Variants in WDR43 observed in about 807,000 individuals in gnomAD.
The protein encoded by WDR43 is WD repeat-containing protein 43.
Under a neutral mutation model 91.4 loss-of-function variants are expected in WDR43, and 13 were observed. The ratio of observed to expected loss-of-function variants is 0.14; its 90% CI spans 0.09 to 0.23. WDR43 has a LOEUF of 0.23. WDR43 is among the 10% of genes least tolerant of loss of function. The pLI is 1.00. For synonymous variants in WDR43, 331 were observed against 287.9 expected, an observed-to-expected ratio of 1.15 and a Z score of -1.51; for missense variants, 780 against 809.4, an observed-to-expected ratio of 0.96 and a Z score of 0.44.
chr2:28,929,442 G>T (rs1671200182), intron 10 of WDR43, 137 bp from the exon 11 acceptor site: 1 of 751,118 alleles, frequency 1.3e-6, no homozygotes, highest in East Asian at 3.4e-5. Flanking sequence ...GGTTCTCTTG[G>T]AATAAGAATG....
chr2:28,917,386 TATA>T (rs1670932010), intron 5 of WDR43, among the ~76,000 whole-genome samples: 1 of 152,212 alleles, frequency 6.6e-6, no homozygotes, highest in Admixed American at 6.5e-5. Context: ...TCAATACCGT[TATA>T]ATGTTAATTC....
intron 5 of WDR43, among the ~76,000 whole-genome samples, chr2:28,915,768 A>G (rs1670894751): frequency 6.6e-6 from 1 of 150,652 alleles, no homozygotes; most frequent in Non-Finnish European, 1.5e-5. Context: ...AGATAAATCA[A>G]ACCCCAGTAC....
In WDR43 at chr2:28,911,904, A is replaced by G. The variant is rs377401375; in HGVS notation, c.486-686A>G. On this transcript the variant is annotated intron_variant, in intron 3 of 17. Transcript: ENST00000407426. ...CTCCCAAAGTGCTGGGATTAGAGGC[A>G]TGAGCCACCATGCCCTGCCCCTGCT... Among the ~76,000 whole-genome samples the G allele has an allele frequency of 1.6e-4, 24 of 152,288 alleles. 1 individual carries two copies. In the East Asian group the frequency reaches 2.3e-3, roughly 15 times the overall value.
intron 3 of WDR43, among the ~76,000 whole-genome samples, chr2:28,909,645 GA>G (rs1397303322): frequency 1.3e-5 from 2 of 152,148 alleles, no homozygotes; most frequent in Admixed American, 1.3e-4. Context: ...GGCTGAGGTG[GA>G]AGGATTGCTT....
intron 1 of WDR43, among the ~76,000 whole-genome samples, chr2:28,897,149 C>A (rs1670496263): frequency 1.3e-5 from 2 of 152,152 alleles, no homozygotes; most frequent in Non-Finnish European, 2.9e-5. Flanking sequence ...TAGAGACATT[C>A]CCTACTTTGA....
chr2:28,899,994 A>G (rs551096274), intron 1 of WDR43, among the ~76,000 whole-genome samples: 2 of 152,306 alleles, frequency 1.3e-5, no homozygotes, highest in South Asian at 4.1e-4. Context: ...TGCAGAAATT[A>G]AGGCTTTGAC....
intron 1 of WDR43, among the ~76,000 whole-genome samples, chr2:28,900,534 G>A (rs1191927966): frequency 1.3e-5 from 2 of 152,092 alleles, no homozygotes; most frequent in African/African-American, 2.4e-5. Flanking sequence ...ATGGTACTAG[G>A]TTAATGTACT....
At position 28,937,962 on chromosome 2, in the gene WDR43, G is replaced by C. The variant is rs1231573583; in HGVS notation, c.1588G>C (p.Val530Leu). 6.2e-7 allele frequency: 1 copy of C among 1,613,778 alleles called. No individual in the cohort carries two copies. The highest frequency in any genetic ancestry group is 1.1e-5 in the South Asian group (1 of 91,054). The change falls in exon 14 of 18, where the codon GTG becomes CTG. Residue 530 changes from valine to leucine, a missense_variant. Physicochemically the swap from Val to Leu is conservative, Grantham distance 32. Around this residue, in one of 4 missense-constraint regions of WDR43, gnomAD observed 426 missense variants for 467.8 expected, o/e 0.91. Coordinates refer to ENST00000407426, the MANE Select transcript of WDR43 (RefSeq NM_015131.3). ...AVLMVQWLKC[V>L]LTVHASYLST... ...GCTAATGGTTCAGTGGCTAAAATGTGTGTTAACAGTTCATGCATCATACCT... is the reference window on the plus strand; with the variant it reads ...GCTAATGGTTCAGTGGCTAAAATGTCTGTTAACAGTTCATGCATCATACCT...
intron 16 of WDR43, among the ~76,000 whole-genome samples, chr2:28,945,982 A>G (rs3885709): frequency 0.26 from 39,212 of 152,084 alleles, 6,276 homozygotes; most frequent in East Asian, 0.77. Flanking sequence ...GGGTTTGGCT[A>G]GTTGGTTTGG....
Position 28,914,159 on chromosome 2 carries a change from G to A in WDR43, c.697G>A (p.Gly233Ser). ...NESQPFDGIT[G>S]LYFLSGAVHD... ...GAGCCAGCCCTTTGATGGAATTACA[G>A]GTCTTTATTTCTTATCTGGAGCAGT... Residue 233 changes from glycine to serine, a missense_variant, in exon 5 of 18, where the codon GGT becomes AGT. This residue lies in a region of WDR43 where 174 missense variants were observed against 207.3 expected (regional missense o/e 0.84). Transcript: ENST00000407426. 1.9e-6 allele frequency: 3 copies of A among 1,613,898 alleles called. No homozygotes were observed. Among genetic ancestry groups the A allele is most frequent in the Non-Finnish European group, 2.5e-6 (3 of 1,179,866 alleles).
chr2:28,919,891 AGTGCAGTG>A (rs1431931169), intron 6 of WDR43, among the ~76,000 whole-genome samples: 1 of 151,762 alleles, frequency 6.6e-6, no homozygotes. Context: ...CCCAGGCTGG[AGTGCAGTG>A]GTGCAGTCTT....
rs963167772 is a variant in WDR43, at chr2:28,901,879, C to T, written c.226-108C>T. 1.8e-6 allele frequency: 2 copies of T among 1,098,392 alleles called. 1 individual carries two copies. The highest frequency in any genetic ancestry group is 6.2e-4 in the Middle Eastern group (2 of 3,248). The allele number at this position is 1,098,392 out of a possible 1,614,324, so 68.0% of individuals were successfully genotyped here. ...AATCACCCAATAGCTTCTCTCTTCC[C>T]CCCTTTTAAAATGTCTTTTGTGGGC... On this transcript the variant is annotated intron_variant, in intron 1 of 17. Transcript: ENST00000407426.
At chr2:28,900,099 G>C (rs1389440431) in intron 1 of WDR43, among the ~76,000 whole-genome samples, 1 of 152,134 alleles carries the variant, frequency 6.6e-6, no homozygotes, top group Non-Finnish European at 1.5e-5. Context: ...CGCATATTTG[G>C]ACCTGTCTTT....
intron 6 of WDR43, among the ~76,000 whole-genome samples, chr2:28,919,513 G>A (rs551565433): frequency 2.6e-5 from 4 of 152,202 alleles, no homozygotes; most frequent in East Asian, 1.9e-4. Flanking sequence ...AAAATTAGCC[G>A]GGGCTGGTGG....
chr2:28,917,843 A>G (rs773492883), intron 5 of WDR43, 50 bp from the exon 6 acceptor site: 2 of 1,519,176 alleles, frequency 1.3e-6, no homozygotes, highest in Admixed American at 4.3e-5. Flanking sequence ...CCTTTTTAGG[A>G]AGAAAATTAA....
intron 1 of WDR43, among the ~76,000 whole-genome samples, chr2:28,900,308 G>C (rs1471756828): frequency 6.6e-6 from 1 of 152,036 alleles, no homozygotes; most frequent in Non-Finnish European, 1.5e-5. Context: ...TGCCACCTGA[G>C]TAGTTGGGAT....
chr2:28,903,813 T>A (rs1015323221), intron 2 of WDR43, among the ~76,000 whole-genome samples: 4 of 151,308 alleles, frequency 2.6e-5, no homozygotes, highest in African/African-American at 9.7e-5. Context: ...AGAAGACTTA[T>A]TTTTTTTTAA....
chr2:28,926,753 A>G (rs1671150610), intron 9 of WDR43, among the ~76,000 whole-genome samples, 199 bp downstream of exon 9: 1 of 152,216 alleles, frequency 6.6e-6, no homozygotes, highest in Middle Eastern at 3.2e-3. Context: ...TGAATAGAAG[A>G]CTAGCAGTTG....
Position 28,929,617 on chromosome 2 carries a change from C to CACACACAAA in WDR43, c.1346_1354dup (p.Thr449_Lys451dup). Reference sequence around the variant, plus strand: ...AACGTCTGGGAGCAATGGATATAGACACACACAAAAAAGGAAAGGAAGACC... The same window carrying CACACACAAA: ...AACGTCTGGGAGCAATGGATATAGACACACACAAAACACACAAAAAAGGAAAGGAAGACC... On this transcript the variant is annotated inframe_insertion, in exon 11 of 18. Transcript: ENST00000407426. 6 of 1,613,336 alleles carry CACACACAAA rather than the reference C, an allele frequency of 3.7e-6. No homozygotes were observed. Among genetic ancestry groups the CACACACAAA allele is most frequent in the Non-Finnish European group, 5.1e-6 (6 of 1,179,558 alleles).
Sources: gnomAD v4.1 joint callset for allele counts (sites outside exome capture counted in the v4.1 genomes callset) on GRCh38, gnomAD v4.1.1 for gene constraint, gnomAD v4.1.1 regional missense constraint, MANE v1.5 for transcripts, NCBI Gene and HGNC (gene_info 2026-07-23, HGNC 2026-07-21) for gene names.